The following TSNARE1 variants were observed in gnomAD, a reference collection of about 807,000 sequenced individuals.
TSNARE1 encodes t-SNARE domain containing 1.
A neutral mutation model predicts 62.0 loss-of-function variants in TSNARE1; 49 were observed. That is an observed-to-expected ratio of 0.79 (90% CI 0.63 to 1.00). TSNARE1 has a LOEUF of 1.00. Ranked by LOEUF, TSNARE1 falls within the 50% of genes least tolerant of loss-of-function variation. The pLI is 0.00. For synonymous variants in TSNARE1, 328 were observed against 294.4 expected, an observed-to-expected ratio of 1.11 and a Z score of -1.17; for missense variants, 755 against 700.1, an observed-to-expected ratio of 1.08 and a Z score of -0.88.
At chr8:142,263,054 G>C (rs770528227) in intron 12 of TSNARE1, among the ~76,000 whole-genome samples, 3 of 152,046 alleles carry the variant, frequency 2.0e-5, no homozygotes, top group Non-Finnish European at 2.9e-5. Flanking sequence ...ACATATGATT[G>C]GGTGTCCTTT....
rs544251058 is a variant in TSNARE1, at chr8:142,280,382, T to G, written c.1363+4031A>C. 1.8e-4 allele frequency: 170 copies of G among 963,844 alleles called. No homozygotes were observed. The African/African-American group carries it at 2.8e-3, about 16-fold the overall frequency. The allele number at this position is 963,844 out of a possible 1,614,324, so 59.7% of individuals were successfully genotyped here. A position where few individuals can be genotyped will look rare whatever the true frequency, so the allele number is the denominator to read the frequency against. ...GAGACCCTGGGGAGAGCAGCCAGGT[T>G]CGGGGTCACAGGTCATCACAGGCCC... On this transcript the variant is annotated intron_variant, in intron 11 of 13. Coordinates refer to ENST00000524325, the MANE Select transcript of TSNARE1 (RefSeq NM_145003.5).
At chr8:142,375,759 G>A (rs979235275) in intron 1 of TSNARE1, among the ~76,000 whole-genome samples, 1 of 152,244 alleles carries the variant, frequency 6.6e-6, no homozygotes, top group African/African-American at 2.4e-5. Flanking sequence ...CCCCAGTCAT[G>A]GCAACTGAGG....
At chr8:142,306,974 C>T (rs931730527) in intron 9 of TSNARE1, among the ~76,000 whole-genome samples, 6 of 152,214 alleles carry the variant, frequency 3.9e-5, no homozygotes, top group Non-Finnish European at 8.8e-5. Context: ...TCCCAGGCCC[C>T]CAACAGAGGA....
intron 4 of TSNARE1, among the ~76,000 whole-genome samples, chr8:142,335,869 T>C (rs1000047237): frequency 1.3e-5 from 2 of 152,206 alleles, no homozygotes; most frequent in Admixed American, 6.5e-5. Context: ...ATGTGGCAAA[T>C]GGCTGTCACG....
At chr8:142,352,768 G>T (rs554436279) in intron 2 of TSNARE1, among the ~76,000 whole-genome samples, 5 of 152,294 alleles carry the variant, frequency 3.3e-5, no homozygotes, top group Admixed American at 1.3e-4. Flanking sequence ...AAGCAAAACC[G>T]TGAAGAACCA....
intron 4 of TSNARE1, among the ~76,000 whole-genome samples, chr8:142,340,447 G>C (rs886593486): frequency 7.2e-5 from 11 of 152,328 alleles, no homozygotes; most frequent in Admixed American, 7.2e-4. Context: ...AGCTGAGGGT[G>C]GGGTGACTGC....
chr8:142,287,429 A>G (rs13255742), intron 10 of TSNARE1, among the ~76,000 whole-genome samples: 119 of 58,740 alleles, frequency 2.0e-3, no homozygotes, highest in Admixed American at 3.7e-3. Flanking sequence ...TCTCAGGGAC[A>G]GTGGGCCGCC....
chr8:142,402,987 C>G (rs923885421), intron 1 of TSNARE1, 117 bp downstream of exon 1: 5 of 149,780 alleles, frequency 3.3e-5, no homozygotes, highest in Admixed American at 6.7e-5. Flanking sequence ...AGCCCCATAC[C>G]ACGCCACGCC....
chr8:142,300,290 C>T (rs999971345), intron 10 of TSNARE1, 196 bp downstream of exon 10: 1 of 577,588 alleles, frequency 1.7e-6, no homozygotes, highest in African/African-American at 1.9e-5. Flanking sequence ...ATGGGGCTCC[C>T]AGACTCCCGT....
chr8:142,276,430 C>G (rs900177081), intron 11 of TSNARE1: 1 of 985,342 alleles, frequency 1.0e-6, no homozygotes, highest in Admixed American at 6.1e-5. Flanking sequence ...AGCCTGGGCC[C>G]GGGCAATGCC....
Position 142,291,445 on chromosome 8 carries a change from G to A in TSNARE1, c.1291-6960C>T, listed in dbSNP as rs1823728113. On this transcript the variant is annotated intron_variant, in intron 10 of 13. Transcript: ENST00000524325. This position sits in a 1 kb window ranked among gnomAD's most constrained non-coding sequence, Gnocchi z 4.8. ...GCTGAGACACATATAAATAATGTCA[G>A]CAGGGCCTTGTCGTTAAACACAGAG... 6.6e-6 allele frequency among the ~76,000 whole-genome samples: 1 copy of A among 152,146 alleles called. No individual in the cohort carries two copies. The highest frequency in any genetic ancestry group is 1.5e-5 in the Non-Finnish European group (1 of 68,046).
At chr8:142,245,954 C>A (rs1817867582) in intron 12 of TSNARE1, among the ~76,000 whole-genome samples, 1 of 152,212 alleles carries the variant, frequency 6.6e-6, no homozygotes, top group Non-Finnish European at 1.5e-5. Context: ...ACAGACTTTA[C>A]CTCTAACCCT....
In TSNARE1 at chr8:142,319,617, G is replaced by T. The variant is rs1829164356; in HGVS notation, c.894-983C>A. Reference sequence around the variant, plus strand: ...GACCCTTTCAAGTACAGCCCAAAAGGCCCCTGCAGGCCCCTCAGGCATCAC... The same window carrying T: ...GACCCTTTCAAGTACAGCCCAAAAGTCCCCTGCAGGCCCCTCAGGCATCAC... On this transcript the variant is annotated intron_variant, in intron 6 of 13. Transcript: ENST00000524325. The surrounding 1 kb of genome is among the most constrained non-coding windows in gnomAD (Gnocchi z 4.9). Among the ~76,000 whole-genome samples, 3 of 152,170 alleles carry T rather than the reference G, an allele frequency of 2.0e-5. No individual in the cohort carries two copies. In the South Asian group the frequency reaches 6.2e-4, roughly 32 times the overall value.
At chr8:142,329,101 C>T (rs1296133288) in intron 6 of TSNARE1, among the ~76,000 whole-genome samples, 4 of 152,168 alleles carry the variant, frequency 2.6e-5, no homozygotes, top group Admixed American at 2.6e-4. Context: ...CTGGCAACCA[C>T]GTTGGTCTCA....
chr8:142,269,984 T>G, intron 12 of TSNARE1: 1 of 985,456 alleles, frequency 1.0e-6, no homozygotes, highest in Non-Finnish European at 1.2e-6. Flanking sequence ...CTCTCGGCTG[T>G]GCCAGAGCTT....
intron 1 of TSNARE1, among the ~76,000 whole-genome samples, chr8:142,363,559 G>T (rs1327592424): frequency 6.6e-6 from 1 of 152,134 alleles, no homozygotes; most frequent in African/African-American, 2.4e-5. Context: ...ACTGGTCCCT[G>T]CAGGAACACA....
At position 142,344,469 on chromosome 8, in the gene TSNARE1, G is replaced by C; in HGVS notation, c.242C>G (p.Pro81Arg). ...CCGGCTGCCTTCAGGGGCAACCCCA[G>C]GCCCTGGAAAGGCACCAAAAGGCGG... Reference protein sequence around the residue: ...PIVPRARKRGPGVAPEGSRMP... With the variant: ...PIVPRARKRGRGVAPEGSRMP... Residue 81 changes from proline to arginine, a missense_variant, in exon 4 of 14, where the codon CCT (proline) becomes CGT (arginine). Pro to Arg is a moderately radical substitution (Grantham distance 103, BLOSUM62 -2). Transcript: ENST00000524325. The C allele has an allele frequency of 1.3e-6, 2 of 1,542,118 alleles. No individual in the cohort carries two copies. Among genetic ancestry groups the C allele is most frequent in the Non-Finnish European group, 1.7e-6 (2 of 1,149,460 alleles).
At chr8:142,288,808 A>AT (rs1447497084) in intron 10 of TSNARE1, among the ~76,000 whole-genome samples, 1 of 152,208 alleles carries the variant, frequency 6.6e-6, no homozygotes, top group African/African-American at 2.4e-5. Context: ...CAAAATGTTA[A>AT]TTTGCACCAC....
At chr8:142,357,233 C>A (rs189785498) in intron 1 of TSNARE1, among the ~76,000 whole-genome samples, 1 of 152,316 alleles carries the variant, frequency 6.6e-6, no homozygotes, top group Non-Finnish European at 1.5e-5. Context: ...CCCCTCACGC[C>A]CCGTGAGACC....
Sources: allele counts gnomAD v4.1 joint callset (sites outside exome capture counted in the v4.1 genomes callset), GRCh38; gene constraint gnomAD v4.1.1; non-coding constraint Gnocchi (gnomAD v3.1); transcripts MANE v1.5; gene names NCBI Gene and HGNC (gene_info 2026-07-23, HGNC 2026-07-21).